PKN2: variants seen among roughly 807,000 people sequenced by gnomAD.
The protein encoded by PKN2 is protein kinase N2.
Under a neutral mutation model 119.1 loss-of-function variants are expected in PKN2, and 38 were observed. The ratio of observed to expected loss-of-function variants is 0.32; its 90% CI spans 0.25 to 0.42. The LOEUF (loss-of-function observed/expected upper bound fraction) is 0.42, where lower values mean the gene tolerates loss of function less well. PKN2 is among the 10% of genes least tolerant of loss of function. The pLI, the probability that PKN2 is intolerant of heterozygous loss-of-function variation, is 1.00. For synonymous variants in PKN2, 390 were observed against 384.9 expected, an observed-to-expected ratio of 1.01 and a Z score of -0.15; for missense variants, 850 against 1,165.1, an observed-to-expected ratio of 0.73 and a Z score of 3.94.
At chr1:88,784,041 T>C (rs916420991) in intron 6 of PKN2, among the ~76,000 whole-genome samples, 1 of 152,126 alleles carries the variant, frequency 6.6e-6, no homozygotes, top group Non-Finnish European at 1.5e-5. Flanking sequence ...TTTAGCTTTA[T>C]GTTTCTCCTC....
chr1:88,831,469 A>C (rs116128907), intron 19 of PKN2, among the ~76,000 whole-genome samples: 274 of 151,794 alleles, frequency 1.8e-3, no homozygotes, highest in African/African-American at 6.4e-3. Flanking sequence ...AGTACATTTG[A>C]TTTATGTATT....
In PKN2 at chr1:88,807,718, T is replaced by A; in HGVS notation, c.2045T>A (p.Met682Lys). 6.2e-7 allele frequency: 1 copy of A among 1,603,562 alleles called. No homozygotes were observed. The highest frequency in any genetic ancestry group is 8.5e-7 in the Non-Finnish European group (1 of 1,173,878). ...GCTGAATATAAAAACACAAATGAGA[T>A]GTTTGCTATAAAAGCCTTAAAGAAA... Reference protein sequence around the residue: ...LLAEYKNTNEMFAIKALKKGD... With the variant: ...LLAEYKNTNEKFAIKALKKGD... The change falls in exon 15 of 22, where the codon ATG becomes AAG. Residue 682 changes from methionine to lysine, a missense_variant. By Grantham distance (95) the Met-to-Lys change is moderately conservative. Transcript: ENST00000370521.
chr1:88,822,854 C>T (rs112526844), intron 17 of PKN2, among the ~76,000 whole-genome samples: 6,050 of 152,096 alleles, frequency 0.04, 278 homozygotes, highest in African/African-American at 0.1. Flanking sequence ...GCTGGGATTA[C>T]AGTTGTGAGC....
chr1:88,711,735 A>G (rs774117836), intron 1 of PKN2, among the ~76,000 whole-genome samples: 1 of 152,190 alleles, frequency 6.6e-6, no homozygotes, highest in Non-Finnish European at 1.5e-5. Context: ...ATATTGTTCA[A>G]TAAGTAGAGA....
chr1:88,804,489 T>C lies in PKN2; in HGVS notation c.1380T>C (p.His460=), dbSNP rs367724153. The C allele has an allele frequency of 1.1e-5, 18 of 1,613,764 alleles. No individual in the cohort carries two copies. The highest frequency in any genetic ancestry group is 1.5e-5 in the Non-Finnish European group (18 of 1,179,748). The part of the protein sequence containing the change: ...RLEDFLDNQR[H]GMCLYLEPQG... ...AAGATTTTTTAGACAACCAACGGCA[T>C]GGCATGTGTCTCTATTTGGAACCAC... The change falls in exon 9 of 22, where the codon CAT becomes CAC. Residue 460 remains histidine, a synonymous_variant. Coordinates refer to ENST00000370521, the MANE Select transcript of PKN2 (RefSeq NM_006256.4).
chr1:88,771,811 G>T lies in PKN2; in HGVS notation c.917G>T (p.Ser306Ile), dbSNP rs757532415. 1.9e-6 allele frequency: 3 copies of T among 1,613,888 alleles called. No homozygotes were observed. In the East Asian group the frequency reaches 6.7e-5, roughly 36 times the overall value. The change falls in exon 6 of 22, where the codon AGT (serine) becomes ATT (isoleucine). Residue 306 changes from serine to isoleucine, a missense_variant. Physicochemically the swap from Ser to Ile is moderately radical, Grantham distance 142 (BLOSUM62 -2). This residue lies in a region of PKN2 where 350 missense variants were observed against 511.1 expected (regional missense o/e 0.68). Coordinates refer to ENST00000370521, the MANE Select transcript of PKN2 (RefSeq NM_006256.4). The part of the protein sequence containing the change: ...LSLVAASPTL[S>I]PRQSMISTQN... Reference sequence around the variant, plus strand: ...CTTGTTGCTGCATCACCAACACTAAGTCCACGTCAAAGTATGATATCTACG... The same window carrying T: ...CTTGTTGCTGCATCACCAACACTAATTCCACGTCAAAGTATGATATCTACG...
At position 88,684,533 on chromosome 1, in the gene PKN2, T is replaced by G; in HGVS notation, c.-48T>G. ...CCCGAGCCCCGTCCCGCCTTCTCCC[T>G]TCGCCAGAGGCGGCCGCGTCCAGGT... On this transcript the variant is annotated 5_prime_UTR_variant, in exon 1 of 22. Coordinates refer to ENST00000370521, the MANE Select transcript of PKN2 (RefSeq NM_006256.4). The G allele has an allele frequency of 7.2e-7, 1 of 1,392,366 alleles. No homozygotes were observed. Among genetic ancestry groups the G allele is most frequent in the South Asian group, 1.2e-5 (1 of 81,410 alleles). The allele number at this position is 1,392,366 out of a possible 1,614,324, so 86.3% of individuals were successfully genotyped here.
chr1:88,819,973 G>A (rs1281525666), intron 16 of PKN2, among the ~76,000 whole-genome samples: 1 of 151,430 alleles, frequency 6.6e-6, no homozygotes, highest in Non-Finnish European at 1.5e-5. Context: ...TGGACACAGG[G>A]AGGGGAACAT....
At chr1:88,758,092 G>A (rs540378844) in intron 2 of PKN2, among the ~76,000 whole-genome samples, 4 of 148,742 alleles carry the variant, frequency 2.7e-5, no homozygotes, top group East Asian at 2.0e-4. Flanking sequence ...TGGATTATCC[G>A]GAATAACTAG....
At chr1:88,732,125 G>A (rs1303656765) in intron 1 of PKN2, among the ~76,000 whole-genome samples, 1 of 152,146 alleles carries the variant, frequency 6.6e-6, no homozygotes, top group Admixed American at 6.6e-5. Context: ...AAGTGGCAAG[G>A]TTAAGTAGCA....
intron 6 of PKN2, among the ~76,000 whole-genome samples, chr1:88,779,663 A>C (rs1670251993): frequency 6.6e-6 from 1 of 152,166 alleles, no homozygotes; most frequent in Non-Finnish European, 1.5e-5. Context: ...TAATGCCAAC[A>C]AACCTTAAAA....
chr1:88,772,719 A>C (rs1022941651), intron 6 of PKN2, among the ~76,000 whole-genome samples: 6 of 152,164 alleles, frequency 3.9e-5, no homozygotes, highest in Admixed American at 3.3e-4. Context: ...GTCATATGGT[A>C]GCTATATCTA....
Position 88,834,323 on chromosome 1 carries a change from C to T in PKN2, c.*875C>T, listed in dbSNP as rs923939222. 6 of 152,434 alleles carry T rather than the reference C, an allele frequency of 3.9e-5. No homozygotes were observed. Among genetic ancestry groups the T allele is most frequent in the African/African-American group, 1.4e-4 (6 of 41,414 alleles). The allele number at this position is 152,434 out of a possible 1,614,324, so 9.4% of individuals were successfully genotyped here. ...TTGGTATTCACTCTACATCTGCCAA[C>T]CTAGTTCACCTTGGTTTTGTGTCTG... On this transcript the variant is annotated 3_prime_UTR_variant, in exon 22 of 22. Coordinates refer to ENST00000370521, the MANE Select transcript of PKN2 (RefSeq NM_006256.4).
At chr1:88,721,640 TA>T (rs1393871117) in intron 1 of PKN2, among the ~76,000 whole-genome samples, 1 of 152,198 alleles carries the variant, frequency 6.6e-6, no homozygotes, top group Non-Finnish European at 1.5e-5. Context: ...TGATTTTGTA[TA>T]AAGGAGGTAT....
At chr1:88,709,320 G>C (rs1305110208) in intron 1 of PKN2, among the ~76,000 whole-genome samples, 1 of 152,058 alleles carries the variant, frequency 6.6e-6, no homozygotes, top group Non-Finnish European at 1.5e-5. Flanking sequence ...CTCCCAAACT[G>C]CTGGGATTAC....
chr1:88,714,153 G>A (rs1667351766), intron 1 of PKN2, among the ~76,000 whole-genome samples: 1 of 152,068 alleles, frequency 6.6e-6, no homozygotes, highest in Admixed American at 6.6e-5. Context: ...CTCTGTTTTG[G>A]TACCAGTACC....
At chr1:88,770,547 AAAGTT>A in intron 4 of PKN2, 78 bp downstream of exon 4, 2 of 780,468 alleles carry the variant, frequency 2.6e-6, no homozygotes, top group East Asian at 2.5e-5. Context: ...GCAGTGGTTC[AAAGTT>A]AAGAGGGAGG....
intron 1 of PKN2, among the ~76,000 whole-genome samples, chr1:88,713,090 C>T (rs1667301886): frequency 6.6e-6 from 1 of 152,192 alleles, no homozygotes. Context: ...CATGTCCCTA[C>T]AAAGGAAGTG....
chr1:88,829,008 A>G, intron 19 of PKN2: 1 of 642,812 alleles, frequency 1.6e-6, no homozygotes. Context: ...GACTTCCTCC[A>G]GACTTCCGTC....
Sources: gnomAD v4.1 joint callset for allele counts (sites outside exome capture counted in the v4.1 genomes callset) on GRCh38, gnomAD v4.1.1 for gene constraint, gnomAD v4.1.1 regional missense constraint, MANE v1.5 for transcripts, NCBI Gene and HGNC (gene_info 2026-07-23, HGNC 2026-07-21) for gene names.